Variants in CCDC85C observed in about 807,000 individuals in gnomAD.
CCDC85C encodes the protein coiled-coil domain-containing protein 85C.
A neutral mutation model predicts 38.3 loss-of-function variants in CCDC85C; 18 were observed. That is an observed-to-expected ratio of 0.47 (90% CI 0.33 to 0.70). CCDC85C has a LOEUF of 0.70. Among genes scored for constraint, CCDC85C ranks in the 30% least tolerant of loss-of-function variants. The pLI is 0.03. For synonymous variants in CCDC85C, 264 were observed against 293.8 expected (o/e 0.90, Z 1.04); for missense variants, 566 against 621.2 (o/e 0.91, Z 0.94).
At chr14:99,549,644 C>T (rs551669573) in intron 1 of CCDC85C, among the ~76,000 whole-genome samples, 101 of 152,338 alleles carry the variant, frequency 6.6e-4, no homozygotes, top group Non-Finnish European at 3.5e-4. Context: ...AGACACTGTC[C>T]CCGAAATTAG....
chr14:99,550,768 T>C (rs1277811993), intron 1 of CCDC85C, among the ~76,000 whole-genome samples: 1 of 152,126 alleles, frequency 6.6e-6, no homozygotes, highest in Non-Finnish European at 1.5e-5. Context: ...CCGACCTTGA[T>C]GGAAAGGAAG....
chr14:99,534,500 G>A (rs1355623647), intron 2 of CCDC85C, among the ~76,000 whole-genome samples: 5 of 152,196 alleles, frequency 3.3e-5, no homozygotes, highest in African/African-American at 9.7e-5. Context: ...CCGGGGGCCC[G>A]AGCTTCAGCC....
intron 1 of CCDC85C, among the ~76,000 whole-genome samples, chr14:99,573,245 A>G (rs1235579662): frequency 6.6e-6 from 1 of 152,184 alleles, no homozygotes; most frequent in Non-Finnish European, 1.5e-5. Context: ...TGCTCCCTGC[A>G]GGGGATTGAG....
At chr14:99,567,253 C>T (rs1898233682) in intron 1 of CCDC85C, among the ~76,000 whole-genome samples, 1 of 152,228 alleles carries the variant, frequency 6.6e-6, no homozygotes, top group Non-Finnish European at 1.5e-5. Flanking sequence ...TCCAGCCAGG[C>T]ACGGTCTATA....
chr14:99,534,806 T>G (rs1430864745), intron 2 of CCDC85C: 1 of 685,352 alleles, frequency 1.5e-6, no homozygotes, highest in Non-Finnish European at 2.7e-6. Context: ...GCACGGCCTG[T>G]GGCCAAAGCC....
At chr14:99,600,104 A>C (rs1192406933) in intron 1 of CCDC85C, among the ~76,000 whole-genome samples, 1 of 152,210 alleles carries the variant, frequency 6.6e-6, no homozygotes, top group Non-Finnish European at 1.5e-5. Flanking sequence ...GCTCATCAGC[A>C]AGTGCTGCCA....
intron 1 of CCDC85C, among the ~76,000 whole-genome samples, chr14:99,598,013 C>T (rs1321870578): frequency 2.0e-5 from 3 of 152,248 alleles, no homozygotes; most frequent in African/African-American, 7.2e-5. Flanking sequence ...AAGCAGGTGG[C>T]AAAGCCAAGA....
At chr14:99,595,982 T>A (rs1228065219) in intron 1 of CCDC85C, among the ~76,000 whole-genome samples, 1 of 152,126 alleles carries the variant, frequency 6.6e-6, no homozygotes, top group Non-Finnish European at 1.5e-5. Context: ...AGGACCAGAG[T>A]CCCAGGCTCA....
Position 99,502,314 on chromosome 14 carries a change from A to C in CCDC85C, c.*12932T>G, listed in dbSNP as rs776386794. On this transcript the variant is annotated 3_prime_UTR_variant, in exon 6 of 6. Coordinates refer to ENST00000380243, the MANE Select transcript of CCDC85C (RefSeq NM_001144995.2). ...TTTGAAATACAAGAATGGACCTCCAAACCCATGTATAGGAGATGGTGGGAG... is the reference window on the plus strand; with the variant it reads ...TTTGAAATACAAGAATGGACCTCCACACCCATGTATAGGAGATGGTGGGAG... The C allele has an allele frequency of 6.2e-7, 1 of 1,613,630 alleles. No individual in the cohort carries two copies. The highest frequency in any genetic ancestry group is 8.5e-7 in the Non-Finnish European group (1 of 1,179,794).
rs1452230383 is a variant in CCDC85C at position 99,572,548 on chromosome 14, A to G, written c.793+30619T>C. 1.3e-5 allele frequency among the ~76,000 whole-genome samples: 2 copies of G among 152,144 alleles called. No homozygotes were observed. Among genetic ancestry groups the G allele is most frequent in the African/African-American group, 2.4e-5 (1 of 41,412 alleles). ...TCCTCCTACCCTGCCCCCTTCGGTCACCAGAGTCCAGCCACAGGGCCTGGT... is the reference window on the plus strand; with the variant it reads ...TCCTCCTACCCTGCCCCCTTCGGTCGCCAGAGTCCAGCCACAGGGCCTGGT... On this transcript the variant is annotated intron_variant, in intron 1 of 5. Coordinates refer to ENST00000380243, the MANE Select transcript of CCDC85C (RefSeq NM_001144995.2). The surrounding 1 kb of genome is among the most constrained non-coding windows in gnomAD (Gnocchi z 4.4).
At chr14:99,534,904 T>C (rs1036210457) in intron 2 of CCDC85C, 42 of 581,808 alleles carry the variant, frequency 7.2e-5, no homozygotes, top group Non-Finnish European at 1.0e-4. Flanking sequence ...TGCGCCTGTA[T>C]GGTGGTGGGG....
Position 99,503,109 on chromosome 14 carries a change from G to T in CCDC85C, c.*12137C>A, listed in dbSNP as rs540966665. The T allele has an allele frequency of 6.4e-6, 7 of 1,092,216 alleles. No homozygotes were observed. Among genetic ancestry groups the T allele is most frequent in the Admixed American group, 1.7e-5 (1 of 58,108 alleles). 67.7% of individuals were successfully genotyped at this position (1,092,216 alleles called of 1,614,324 possible). ...AAGCAGGGGGTGTTCGCCGAAACTC[G>T]CAGTCCGACTGCTTGTCGGTGGGGA... is the stretch of plus-strand genomic sequence containing the variant. On this transcript the variant is annotated 3_prime_UTR_variant, in exon 6 of 6. Coordinates refer to ENST00000380243, the MANE Select transcript of CCDC85C (RefSeq NM_001144995.2).
In CCDC85C at chr14:99,535,886, G is replaced by T. The variant is rs926037685; in HGVS notation, c.867+129C>A. 2 of 697,944 alleles carry T rather than the reference G, an allele frequency of 2.9e-6. No homozygotes were observed. The highest frequency in any genetic ancestry group is 3.5e-5 in the African/African-American group (2 of 57,030). 43.2% of individuals were successfully genotyped at this position (697,944 alleles called of 1,614,324 possible). ...AGGTCCCTGACCCCACTTTCCAGGA[G>T]GTGACAGGTGGCAGTGGGAGCAGTT... On this transcript the variant is annotated intron_variant, in intron 2 of 5. Transcript: ENST00000380243. The surrounding 1 kb of genome is among the most constrained non-coding windows in gnomAD (Gnocchi z 5.5).
intron 1 of CCDC85C, among the ~76,000 whole-genome samples, chr14:99,575,743 C>T (rs1275951750): frequency 1.4e-4 from 22 of 152,204 alleles, no homozygotes; most frequent in Admixed American, 1.4e-3. Context: ...TGCCCTGAGC[C>T]ACCAGGGCCA....
At chr14:99,575,835 G>C (rs1898463507) in intron 1 of CCDC85C, among the ~76,000 whole-genome samples, 1 of 152,334 alleles carries the variant, frequency 6.6e-6, no homozygotes, top group Admixed American at 6.5e-5. Context: ...ACCCAGGCTG[G>C]AAGCTGGTGC....
At position 99,508,279 on chromosome 14, in the gene CCDC85C, T is replaced by C. The variant is rs1897025742; in HGVS notation, c.*6967A>G. 6.6e-6 allele frequency: 1 copy of C among 152,292 alleles called. No individual in the cohort carries two copies. Among genetic ancestry groups the C allele is most frequent in the African/African-American group, 2.4e-5 (1 of 41,470 alleles). The allele number at this position is 152,292 out of a possible 1,614,324, so 9.4% of individuals were successfully genotyped here. A position where few individuals can be genotyped will look rare whatever the true frequency, so the allele number is the denominator to read the frequency against. On this transcript the variant is annotated 3_prime_UTR_variant, in exon 6 of 6. Transcript: ENST00000380243. Reference sequence around the variant, plus strand: ...CCTGTGGTTGCTCATGAAGCATTTATGGAGCACCTCCTCGCCAAGTGCAGT... The same window carrying C: ...CCTGTGGTTGCTCATGAAGCATTTACGGAGCACCTCCTCGCCAAGTGCAGT...
At chr14:99,577,088 G>C (rs1359232741) in intron 1 of CCDC85C, among the ~76,000 whole-genome samples, 1 of 151,936 alleles carries the variant, frequency 6.6e-6, no homozygotes, top group East Asian at 2.0e-4. Flanking sequence ...GCATGGAGCT[G>C]GGCCAGTTCC....
intron 1 of CCDC85C, among the ~76,000 whole-genome samples, chr14:99,575,994 T>G (rs996158965): frequency 6.6e-6 from 1 of 152,172 alleles, no homozygotes; most frequent in Non-Finnish European, 1.5e-5. Context: ...TTCCAGAAAC[T>G]GAGCTGCAAC....
Position 99,503,448 on chromosome 14 carries a change from T to C in CCDC85C, c.*11798A>G. The C allele has an allele frequency of 1.6e-6, 1 of 621,304 alleles. No homozygotes were observed. Among genetic ancestry groups the C allele is most frequent in the Non-Finnish European group, 2.9e-6 (1 of 347,476 alleles). The allele number at this position is 621,304 out of a possible 1,614,324, so 38.5% of individuals were successfully genotyped here. A position where few individuals can be genotyped will look rare whatever the true frequency, so the allele number is the denominator to read the frequency against. On this transcript the variant is annotated 3_prime_UTR_variant, in exon 6 of 6. Coordinates refer to ENST00000380243, the MANE Select transcript of CCDC85C (RefSeq NM_001144995.2). Reference sequence around the variant, plus strand: ...GAAGGGAGCAGAAATGATGATCTGGTAGGTGCCGTGGTTTGCCCTGAAAGT... The same window carrying C: ...GAAGGGAGCAGAAATGATGATCTGGCAGGTGCCGTGGTTTGCCCTGAAAGT...
Sources: gnomAD v4.1 joint callset for allele counts (sites outside exome capture counted in the v4.1 genomes callset) on GRCh38, gnomAD v4.1.1 for gene constraint, Gnocchi (gnomAD v3.1) non-coding constraint, MANE v1.5 for transcripts, NCBI Gene and HGNC (gene_info 2026-07-23, HGNC 2026-07-21) for gene names.